The following CASD1 variants were observed in gnomAD, a reference collection of about 807,000 sequenced individuals.
CASD1 encodes the protein N-acetylneuraminate (7)9-O-acetyltransferase.
A neutral mutation model predicts 100.0 loss-of-function variants in CASD1; 41 were observed. That is an observed-to-expected ratio of 0.41 (90% CI 0.32 to 0.53). The LOEUF (loss-of-function observed/expected upper bound fraction) is 0.53, where lower values mean the gene tolerates loss of function less well. CASD1 is among the 20% of genes least tolerant of loss of function. The probability of loss-of-function intolerance (pLI) is 0.25; values close to 1 mark genes in which losing one functional copy is unlikely to be tolerated. For missense variants in CASD1, 774 were observed against 948.7 expected (o/e 0.82, Z 2.42); for synonymous variants, 321 against 315.6 (o/e 1.02, Z -0.18).
chr7:94,561,403 A>G (rs1313851100), downstream of CASD1, among the ~76,000 whole-genome samples: 2 of 152,224 alleles, frequency 1.3e-5, no homozygotes, highest in African/African-American at 4.8e-5. Context: ...TTGGAAGAAC[A>G]TCAGGAAACC....
At chr7:94,584,922 T>G in the CASD1 span, 2 of 152,512 alleles carry the variant, frequency 1.3e-5, no homozygotes, top group South Asian at 2.1e-4. Flanking sequence ...GTCAAGTAAG[T>G]ACGCAGCGTG....
the CASD1 span, among the ~76,000 whole-genome samples, chr7:94,564,365 C>T: frequency 2.0e-5 from 3 of 152,206 alleles, no homozygotes; most frequent in East Asian, 3.9e-4. Context: ...GGACCACTAT[C>T]CCTGCATTCT....
chr7:94,524,281 A>G (rs991710117), intron 3 of CASD1: 3 of 152,144 alleles, frequency 2.0e-5, no homozygotes, highest in Non-Finnish European at 4.4e-5. Flanking sequence ...TACCTTAAAG[A>G]AAAAAGATAA....
In CASD1 at chr7:94,517,632, G is replaced by C; in HGVS notation, c.206G>C (p.Cys69Ser). The change falls in exon 2 of 18, where the codon TGT becomes TCT. Residue 69 changes from cysteine (C) to serine (S), a missense_variant. By Grantham distance (112) the Cys-to-Ser change is moderately radical (BLOSUM62 -1). This residue lies in a region of CASD1 where 61 missense variants were observed against 115.9 expected (regional missense o/e 0.53). Transcript: ENST00000297273. ...GAGAAAGTTTGGCAACCTCACAGTTGTATGATGCATAAATACAAAATCAGG... is the reference window on the plus strand; with the variant it reads ...GAGAAAGTTTGGCAACCTCACAGTTCTATGATGCATAAATACAAAATCAGG... ...LGEKVWQPHS[C>S]MMHKYKISEA... 1 of 1,608,450 alleles carries C rather than the reference G, an allele frequency of 6.2e-7. No individual in the cohort carries two copies. The highest frequency in any genetic ancestry group is 8.5e-7 in the Non-Finnish European group (1 of 1,176,248).
the CASD1 span, among the ~76,000 whole-genome samples, chr7:94,569,338 G>A: frequency 6.6e-6 from 1 of 152,204 alleles, no homozygotes; most frequent in Non-Finnish European, 1.5e-5. Context: ...GATTGATGAT[G>A]TGGTAACCAT....
chr7:94,521,226 T>C (rs915362057), intron 3 of CASD1, among the ~76,000 whole-genome samples: 3 of 152,024 alleles, frequency 2.0e-5, no homozygotes, highest in African/African-American at 4.8e-5. Context: ...AATGATGAGG[T>C]TTTACTACAA....
chr7:94,600,962 G>C, the CASD1 span: 2 of 969,270 alleles, frequency 2.1e-6, no homozygotes, highest in Non-Finnish European at 3.2e-6. Context: ...TATCTAAAAA[G>C]CCATCTTTTC....
chr7:94,568,359 A>C, the CASD1 span, among the ~76,000 whole-genome samples: 83 of 152,324 alleles, frequency 5.4e-4, no homozygotes, highest in Non-Finnish European at 1.1e-3. Flanking sequence ...CCTACCATAC[A>C]TCATAAAAGT....
intron 3 of CASD1, among the ~76,000 whole-genome samples, chr7:94,521,471 A>T (rs1011004765): frequency 2.0e-5 from 3 of 152,210 alleles, no homozygotes; most frequent in Non-Finnish European, 4.4e-5. Context: ...TCACAATTAA[A>T]GTGTTCTAAT....
chr7:94,623,707 G>T, the CASD1 span: 1 of 406,670 alleles, frequency 2.5e-6, no homozygotes, highest in East Asian at 3.6e-5. Context: ...TAACCATTAT[G>T]AATTACTTAC....
the CASD1 span, among the ~76,000 whole-genome samples, chr7:94,572,315 T>C: frequency 1.3e-5 from 2 of 152,220 alleles, no homozygotes; most frequent in African/African-American, 2.4e-5. Flanking sequence ...GGAATATCTT[T>C]TCTTCTGTAA....
At chr7:94,620,675 T>A in the CASD1 span, 2 of 152,230 alleles carry the variant, frequency 1.3e-5, no homozygotes, top group African/African-American at 4.8e-5. Flanking sequence ...TCTTAAAAAG[T>A]ATCTAAAACT....
At chr7:94,624,423 A>G in the CASD1 span, 1 of 388,716 alleles carries the variant, frequency 2.6e-6, no homozygotes, top group Non-Finnish European at 4.5e-6. Context: ...TTAAACTTTT[A>G]ACAATGTTTA....
chr7:94,609,356 A>G, the CASD1 span, among the ~76,000 whole-genome samples: 2 of 152,306 alleles, frequency 1.3e-5, no homozygotes, highest in Admixed American at 1.3e-4. Flanking sequence ...GCGAAACCCC[A>G]TCTCTACTGA....
chr7:94,515,139 T>G (rs7779842), intron 1 of CASD1, among the ~76,000 whole-genome samples: 77,957 of 151,810 alleles, frequency 0.51, 21,181 homozygotes, highest in South Asian at 0.73. Flanking sequence ...TTCAGTTGTC[T>G]ACTTAGCAAT....
intron 1 of CASD1, among the ~76,000 whole-genome samples, chr7:94,516,500 T>C (rs1168160811): frequency 6.6e-6 from 1 of 152,170 alleles, no homozygotes; most frequent in Non-Finnish European, 1.5e-5. Flanking sequence ...CCCAGACTCC[T>C]TAGCCCGACT....
the CASD1 span, chr7:94,599,358 T>C: frequency 3.2e-6 from 1 of 314,942 alleles, no homozygotes; most frequent in Non-Finnish European, 5.8e-6. Context: ...GTTATTACTG[T>C]AGATTCTGGA....
At chr7:94,595,168 C>T in the CASD1 span, among the ~76,000 whole-genome samples, 2 of 152,102 alleles carry the variant, frequency 1.3e-5, no homozygotes, top group Admixed American at 1.3e-4. Context: ...TTTATGGTGC[C>T]AGTCTGGAGC....
At chr7:94,559,424 T>C (rs62465724), downstream of CASD1, among the ~76,000 whole-genome samples, 12,879 of 151,926 alleles carry the variant, frequency 0.085, 718 homozygotes, top group Non-Finnish European at 0.11. Flanking sequence ...AAATATGAAA[T>C]GGAATAAAAT....
Sources: gnomAD v4.1 joint callset for allele counts (sites outside exome capture counted in the v4.1 genomes callset) on GRCh38, gnomAD v4.1.1 for gene constraint, gnomAD v4.1.1 regional missense constraint, MANE v1.5 for transcripts, NCBI Gene and HGNC (gene_info 2026-07-23, HGNC 2026-07-21) for gene names.